Variants in RNF215 observed in about 807,000 individuals in gnomAD.
RNF215 encodes the protein ring finger protein 215.
A neutral mutation model predicts 44.8 loss-of-function variants in RNF215; 41 were observed. The ratio of observed to expected loss-of-function variants is 0.92; its 90% CI spans 0.71 to 1.19. The LOEUF is 1.19. RNF215 is among the 50% of genes most tolerant of loss of function. The pLI is 0.00. For missense variants in RNF215, 452 were observed against 496.2 expected (o/e 0.91, Z 0.85); for synonymous variants, 218 against 230.1 (o/e 0.95, Z 0.48).
In RNF215 at chr22:30,379,444, G is replaced by T; in HGVS notation, c.*156C>A. ...AAGCTGTGGGGCCCTCCTTCCCAGT[G>T]TGGACATGGTGGGGCCCTCATCCTT... On this transcript the variant is annotated 3_prime_UTR_variant, in exon 9 of 9. Transcript: ENST00000382363. 1.2e-6 allele frequency: 1 copy of T among 840,426 alleles called. No individual in the cohort carries two copies. Among genetic ancestry groups the T allele is most frequent in the Non-Finnish European group, 1.8e-6 (1 of 544,224 alleles). 52.1% of individuals were successfully genotyped at this position (840,426 alleles called of 1,614,324 possible).
rs200881089 is a variant in RNF215, at chr22:30,379,777, G to T, written c.1045C>A (p.Arg349=). 4.5e-6 allele frequency: 7 copies of T among 1,570,146 alleles called. No individual in the cohort carries two copies. The highest frequency in any genetic ancestry group is 4.7e-5 in the East Asian group (2 of 42,864). ...RVLPCKHEFH[R]DCVDPWLMLQ... is the part of the protein sequence containing the mutation. The stretch of plus-strand genomic sequence containing the variant: ...ATCAGCCAGGGGTCCACACAGTCTC[G>T]GTGAAACTCGTGCTTACAGGGCAGC... Residue 349 remains arginine, a synonymous_variant, in exon 8 of 9, where the codon CGA becomes AGA. Transcript: ENST00000382363.
At chr22:30,386,582 C>G (rs746111613) in intron 2 of RNF215, 34 bp downstream of exon 2, 6 of 1,593,816 alleles carry the variant, frequency 3.8e-6, no homozygotes, top group Non-Finnish European at 5.1e-6. Context: ...GAATCCTTTC[C>G]TCCAGCCCCC....
At chr22:30,384,195 A>G in intron 5 of RNF215, 144 bp downstream of exon 5, 1 of 860,904 alleles carries the variant, frequency 1.2e-6, no homozygotes, top group Non-Finnish European at 1.8e-6. Flanking sequence ...CATGTCTCTG[A>G]ACACTCACAG....
Position 30,384,361 on chromosome 22 carries a change from C to G in RNF215, c.722G>C (p.Gly241Ala). The G allele has an allele frequency of 1.2e-6, 2 of 1,613,964 alleles. No homozygotes were observed. Among genetic ancestry groups the G allele is most frequent in the Non-Finnish European group, 1.7e-6 (2 of 1,179,922 alleles). Residue 241 changes from glycine (G) to alanine (A), a missense_variant, in exon 5 of 9, where the codon GGA becomes GCA. Coordinates refer to ENST00000382363, the MANE Select transcript of RNF215 (RefSeq NM_001017981.2). ...YGGWQDLVCL[G>A]GSRAQEQKPL... ...CACCTGCTCCTGGGCACGACTGCCT[C>G]CAAGGCAGACCAAGTCCTGCCATCC...
Position 30,387,371 on chromosome 22 carries a change from A to T in RNF215, c.-58T>A. On this transcript the variant is annotated 5_prime_UTR_variant, in exon 1 of 9. Transcript: ENST00000382363. ...GCCAGGGGTCCCGGGCGCGGGGGGGATCGGAGGGAGCGAGGCCGCTGCCGG... is the reference window on the plus strand; with the variant it reads ...GCCAGGGGTCCCGGGCGCGGGGGGGTTCGGAGGGAGCGAGGCCGCTGCCGG... The T allele has an allele frequency of 9.9e-7, 1 of 1,014,384 alleles. No individual in the cohort carries two copies. The highest frequency in any genetic ancestry group is 4.8e-4 in the Middle Eastern group (1 of 2,104). 62.8% of individuals were successfully genotyped at this position (1,014,384 alleles called of 1,614,324 possible).
In RNF215 at chr22:30,380,476, A is replaced by C. The variant is rs1476809573; in HGVS notation, c.745-75T>G. ...CCCTTAGGAACATCTACCCCCAGGA[A>C]CGCCAGGGAGCAGGCAGGTGAGGTA... is the stretch of plus-strand genomic sequence containing the variant. On this transcript the variant is annotated intron_variant, in intron 5 of 8. Transcript: ENST00000382363. This position sits in a 1 kb window ranked among gnomAD's most constrained non-coding sequence, Gnocchi z 5.3. The C allele has an allele frequency of 1.3e-6, 2 of 1,513,862 alleles. No individual in the cohort carries two copies. Among genetic ancestry groups the C allele is most frequent in the African/African-American group, 2.8e-5 (2 of 71,832 alleles). The allele number at this position is 1,513,862 out of a possible 1,614,324, so 93.8% of individuals were successfully genotyped here.
Position 30,384,652 on chromosome 22 carries a change from A to G in RNF215, c.588-157T>C, listed in dbSNP as rs1933571708. On this transcript the variant is annotated intron_variant, in intron 4 of 8. Transcript: ENST00000382363. ...CCTTTTCCCTCTATTGGTTTTTCCA[A>G]TTTTCACACCAGCCAGGCCAGGGAA... is the stretch of plus-strand genomic sequence containing the variant. 40 of 594,234 alleles carry G rather than the reference A, an allele frequency of 6.7e-5. 1 individual carries two copies. In the South Asian group the frequency reaches 8.4e-4, roughly 12 times the overall value. 36.8% of individuals were successfully genotyped at this position (594,234 alleles called of 1,614,324 possible).
chr22:30,384,315 C>T (rs1569199381), intron 5 of RNF215, 24 bp downstream of exon 5: 6 of 1,604,216 alleles, frequency 3.7e-6, no homozygotes, highest in Non-Finnish European at 3.4e-6. Context: ...TTCCCTAGGC[C>T]CCATGTAATC....
rs1213233461 is a variant in RNF215 at position 30,387,351 on chromosome 22, G to A, written c.-38C>T. The A allele has an allele frequency of 2.9e-6, 3 of 1,045,048 alleles. No individual in the cohort carries two copies. The highest frequency in any genetic ancestry group is 3.4e-5 in the African/African-American group (2 of 58,270). 64.7% of individuals were successfully genotyped at this position (1,045,048 alleles called of 1,614,324 possible). A position where few individuals can be genotyped will look rare whatever the true frequency, so the allele number is the denominator to read the frequency against. On this transcript the variant is annotated 5_prime_UTR_variant, in exon 1 of 9. Transcript: ENST00000382363. Reference sequence around the variant, plus strand: ...CGAGCTGGCCCAACAGTGGGGCCAGGGGTCCCGGGCGCGGGGGGGATCGGA... The same window carrying A: ...CGAGCTGGCCCAACAGTGGGGCCAGAGGTCCCGGGCGCGGGGGGGATCGGA...
chr22:30,386,227 C>T, intron 2 of RNF215, 86 bp from the exon 3 acceptor site: 2 of 1,311,854 alleles, frequency 1.5e-6, no homozygotes, highest in Non-Finnish European at 2.1e-6. Context: ...GCTCTTAGCT[C>T]CTGGCCCTGC....
intron 4 of RNF215, 79 bp downstream of exon 4, chr22:30,385,825 C>A (rs1933590090): frequency 1.5e-6 from 2 of 1,338,654 alleles, no homozygotes; most frequent in African/African-American, 1.5e-5. Flanking sequence ...GCCCTGGTCC[C>A]AAGCCCCCTC....
At position 30,386,765 on chromosome 22, in the gene RNF215, T is replaced by A. The variant is rs926272312; in HGVS notation, c.286-6A>T. 1.6e-5 allele frequency: 25 copies of A among 1,602,164 alleles called. No individual in the cohort carries two copies. The highest frequency in any genetic ancestry group is 2.0e-5 in the Non-Finnish European group (24 of 1,179,288). ...TCGGCATCCACGATGTCCATCTGTG[T>A]GGCAAGGGGCCATGAGCAGAGGGAG... On this transcript the variant is annotated splice_region_variant and splice_polypyrimidine_tract_variant and intron_variant, in intron 1 of 8. Coordinates refer to ENST00000382363, the MANE Select transcript of RNF215 (RefSeq NM_001017981.2).
At chr22:30,386,820 T>G in intron 1 of RNF215, 61 bp from the exon 2 acceptor site, 3 of 1,556,580 alleles carry the variant, frequency 1.9e-6, no homozygotes, top group Non-Finnish European at 2.6e-6. Flanking sequence ...GGAGCCGGGG[T>G]CATCACAGTG....
intron 3 of RNF215, 22 bp from the exon 4 acceptor site, chr22:30,386,011 A>G: frequency 6.2e-7 from 1 of 1,614,074 alleles, no homozygotes; most frequent in South Asian, 1.1e-5. Flanking sequence ...CAAGGAGGTC[A>G]GCAGGCCTGG....
intron 2 of RNF215, 121 bp downstream of exon 2, chr22:30,386,495 G>C (rs1933601529): frequency 7.8e-7 from 1 of 1,288,016 alleles, no homozygotes; most frequent in Non-Finnish European, 1.1e-6. Context: ...GGGGTGCCCT[G>C]ACCCACCAGG....
chr22:30,387,217 A>G lies in RNF215; in HGVS notation c.97T>C (p.Trp33Arg). ...GCCCCGGGCCCCGCCAGGCCCAGCC[A>G]CAGCGGCAGCAGGGGCAGCAGCAGC... ...LLLLLPLLPLWLGLAGPGAAA... is the reference protein window; with the variant it reads ...LLLLLPLLPLRLGLAGPGAAA... The change falls in exon 1 of 9, where the codon TGG becomes CGG. Residue 33 changes from tryptophan (W) to arginine (R), a missense_variant. Trp to Arg is a moderately radical substitution (Grantham distance 101, BLOSUM62 -3). Transcript: ENST00000382363. 2.6e-5 allele frequency: 26 copies of G among 1,009,598 alleles called. No homozygotes were observed. The highest frequency in any genetic ancestry group is 3.0e-5 in the Non-Finnish European group (25 of 839,848). The allele number at this position is 1,009,598 out of a possible 1,614,324, so 62.5% of individuals were successfully genotyped here. A position where few individuals can be genotyped will look rare whatever the true frequency, so the allele number is the denominator to read the frequency against.
Position 30,387,019 on chromosome 22 carries a change from C to T in RNF215, c.285+10G>A, listed in dbSNP as rs1251295750. 1 of 1,541,136 alleles carries T rather than the reference C, an allele frequency of 6.5e-7. No homozygotes were observed. The highest frequency in any genetic ancestry group is 8.7e-7 in the Non-Finnish European group (1 of 1,148,830). On this transcript the variant is annotated intron_variant, in intron 1 of 8. Coordinates refer to ENST00000382363, the MANE Select transcript of RNF215 (RefSeq NM_001017981.2). ...TTAGTGATGCGGCCAGATGGCTCAGCAGCGCTCACCAGCAGCAGACGACCG... is the reference window on the plus strand; with the variant it reads ...TTAGTGATGCGGCCAGATGGCTCAGTAGCGCTCACCAGCAGCAGACGACCG...
At chr22:30,385,421 CA>C (rs917390932) in intron 4 of RNF215, among the ~76,000 whole-genome samples, 1,810 of 53,032 alleles carry the variant, frequency 0.034, 39 homozygotes, top group African/African-American at 0.1. Flanking sequence ...AACTCCATCT[CA>C]AAAAAAAAAA....
Position 30,380,143 on chromosome 22 carries a change from C to A in RNF215, c.927G>T (p.Arg309=). 1.2e-6 allele frequency: 2 copies of A among 1,613,848 alleles called. No individual in the cohort carries two copies. Among genetic ancestry groups the A allele is most frequent in the Non-Finnish European group, 1.7e-6 (2 of 1,179,956 alleles). The change falls in exon 7 of 9, where the codon CGG becomes CGT. Residue 309 remains arginine (R), a synonymous_variant. Transcript: ENST00000382363. The surrounding 1 kb of genome is among the most constrained non-coding windows in gnomAD (Gnocchi z 5.3). ...RLASLKTRRC[R]LSRAAQGLPD... ...GGAGGCCCTGCGCTGCCCTGCTCAG[C>A]CGGCAGCGCCGTGTCTTGAGGGATG...
Sources: allele counts gnomAD v4.1 joint callset (sites outside exome capture counted in the v4.1 genomes callset), GRCh38; gene constraint gnomAD v4.1.1; non-coding constraint Gnocchi (gnomAD v3.1); transcripts MANE v1.5; gene names NCBI Gene and HGNC (gene_info 2026-07-23, HGNC 2026-07-21).